ISLR2: variants seen among roughly 807,000 people sequenced by gnomAD.
ISLR2 encodes the protein immunoglobulin superfamily containing leucine-rich repeat protein 2.
ISLR2 carries 16 observed loss-of-function variants against 25.5 expected under a neutral mutation model. The observed-to-expected ratio is 0.63, with a 90% CI of 0.43 to 0.95. The LOEUF is 0.95. ISLR2 is among the 40% of genes least tolerant of loss of function. ISLR2 has a pLI of 0.00. For missense variants in ISLR2, 883 were observed against 1,030.7 expected, an observed-to-expected ratio of 0.86 and a Z score of 1.96; for synonymous variants, 508 against 486.6, an observed-to-expected ratio of 1.04 and a Z score of -0.58.
chr15:74,122,257 T>C (rs1567156777), intron 2 of ISLR2, among the ~76,000 whole-genome samples: 1 of 152,174 alleles, frequency 6.6e-6, no homozygotes, highest in Non-Finnish European at 1.5e-5. Context: ...GGCCCCAAAC[T>C]CTGATGCTGG....
At chr15:74,107,113 C>T (rs2072127038) in intron 2 of ISLR2, among the ~76,000 whole-genome samples, 2 of 152,172 alleles carry the variant, frequency 1.3e-5, no homozygotes, top group Admixed American at 1.3e-4. Context: ...GGCAGCCCCT[C>T]TTCCTTCCCA....
chr15:74,125,610 CAG>C (rs1254427915), upstream of ISLR2, among the ~76,000 whole-genome samples: 2 of 152,200 alleles, frequency 1.3e-5, no homozygotes, highest in Non-Finnish European at 2.9e-5. Flanking sequence ...GAGACAAGCA[CAG>C]ACCCAGATAA....
chr15:74,122,891 G>T (rs566483165), intron 2 of ISLR2, among the ~76,000 whole-genome samples: 1 of 152,118 alleles, frequency 6.6e-6, no homozygotes, highest in East Asian at 1.9e-4. Flanking sequence ...CCCTCCTGCG[G>T]TCTGCAGGAG....
At chr15:74,127,277 CCT>C (rs1301487406), upstream of ISLR2, 4 of 152,208 alleles carry the variant, frequency 2.6e-5, no homozygotes, top group South Asian at 6.2e-4. Context: ...TTTCTTTGCC[CCT>C]GTTAGCGCCA....
chr15:74,105,338 AC>A (rs1208529317), intron 2 of ISLR2, among the ~76,000 whole-genome samples: 1 of 6,042 alleles, frequency 1.7e-4, no homozygotes, highest in African/African-American at 7.9e-4. Context: ...CCCATGCAGC[AC>A]CCCATTAGTG....
chr15:74,133,020 C>T lies in ISLR2; in HGVS notation c.266C>T (p.Thr89Ile), dbSNP rs746393832. ...SLWLAHNEVRTVEPGALAVLS... is the reference protein window; with the variant it reads ...SLWLAHNEVRIVEPGALAVLS... Reference sequence around the variant, plus strand: ...TGGCTGGCGCACAATGAGGTGCGCACCGTGGAGCCAGGCGCACTGGCCGTG... The same window carrying T: ...TGGCTGGCGCACAATGAGGTGCGCATCGTGGAGCCAGGCGCACTGGCCGTG... Residue 89 changes from threonine (T) to isoleucine (I), a missense_variant, in exon 3 of 3, where the codon ACC (threonine) becomes ATC (isoleucine). Physicochemically the swap from Thr to Ile is moderately conservative, Grantham distance 89. Coordinates refer to ENST00000453268, the MANE Select transcript of ISLR2 (RefSeq NM_020851.3). 18 of 1,613,100 alleles carry T rather than the reference C, an allele frequency of 1.1e-5. No individual in the cohort carries two copies. The highest frequency in any genetic ancestry group is 1.4e-5 in the Non-Finnish European group (17 of 1,179,934).
chr15:74,110,786 A>C (rs2072159216), intron 2 of ISLR2, among the ~76,000 whole-genome samples: 1 of 152,100 alleles, frequency 6.6e-6, no homozygotes, highest in Admixed American at 6.6e-5. Flanking sequence ...GCGATACCGC[A>C]TCTCTACTAA....
intron 2 of ISLR2, among the ~76,000 whole-genome samples, chr15:74,118,925 C>G (rs748880099): frequency 6.6e-6 from 1 of 151,938 alleles, no homozygotes; most frequent in African/African-American, 2.4e-5. Context: ...CCAGAGTGCT[C>G]GGATTACCAG....
chr15:74,116,227 A>G (rs2072209603), intron 2 of ISLR2, among the ~76,000 whole-genome samples: 1 of 152,102 alleles, frequency 6.6e-6, no homozygotes, highest in Non-Finnish European at 1.5e-5. Flanking sequence ...ACTAGAGACG[A>G]AAAAGTTAAC....
At position 74,131,187 on chromosome 15, in the gene ISLR2, G is replaced by T. The variant is rs1402212040; in HGVS notation, c.-118-20G>T. ...TTACCTGTCCCTTTCTTTGCCCCCC[G>T]CCCCCCGTTTTCCCCACAGCCACAA... On this transcript the variant is annotated intron_variant, in intron 1 of 2. Coordinates refer to ENST00000453268, the MANE Select transcript of ISLR2 (RefSeq NM_020851.3). 2 of 152,348 alleles carry T rather than the reference G, an allele frequency of 1.3e-5. No individual in the cohort carries two copies. The highest frequency in any genetic ancestry group is 4.9e-5 in the African/African-American group (2 of 41,234). 9.4% of individuals were successfully genotyped at this position (152,348 alleles called of 1,614,324 possible).
rs147878498 is a variant in ISLR2 at position 74,132,931 on chromosome 15, C to A, written c.177C>A (p.Ser59=). 6.2e-7 allele frequency: 1 copy of A among 1,613,936 alleles called. No individual in the cohort carries two copies. The highest frequency in any genetic ancestry group is 1.3e-5 in the African/African-American group (1 of 74,946). ...CCAACGTGACGACGCTTAGTCTGTC[C>A]GCGAACAAGATCACTGTGCTGCGGC... ...LPANVTTLSL[S]ANKITVLRRG... The change falls in exon 3 of 3, where the codon TCC becomes TCA. Residue 59 remains serine, a synonymous_variant. Coordinates refer to ENST00000453268, the MANE Select transcript of ISLR2 (RefSeq NM_020851.3). The surrounding 1 kb of genome is among the most constrained non-coding windows in gnomAD (Gnocchi z 4.3).
At position 74,135,032 on chromosome 15, in the gene ISLR2, T is replaced by A. The variant is rs752649766; in HGVS notation, c.*40T>A. 9 of 1,591,146 alleles carry A rather than the reference T, an allele frequency of 5.7e-6. No individual in the cohort carries two copies. The highest frequency in any genetic ancestry group is 1.3e-5 in the African/African-American group (1 of 74,508). Reference sequence around the variant, plus strand: ...GGCCCGCCCATTCCCGACCTCCACCTAGGGTGCCTGGGAGCAGCAGTCTAG... The same window carrying A: ...GGCCCGCCCATTCCCGACCTCCACCAAGGGTGCCTGGGAGCAGCAGTCTAG... On this transcript the variant is annotated 3_prime_UTR_variant, in exon 3 of 3. Coordinates refer to ENST00000453268, the MANE Select transcript of ISLR2 (RefSeq NM_020851.3).
rs1184023127 is a variant in ISLR2, at chr15:74,133,439, C to T, written c.685C>T (p.Pro229Ser). The change falls in exon 3 of 3, where the codon CCC becomes TCC. Residue 229 changes from proline (P) to serine (S), a missense_variant. This residue lies in a region of ISLR2 where 271 missense variants were observed against 387.9 expected (regional missense o/e 0.70). Coordinates refer to ENST00000453268, the MANE Select transcript of ISLR2 (RefSeq NM_020851.3). Reference protein sequence around the residue: ...GVPVYRLPALPCAPPSVHLSA... With the variant: ...GVPVYRLPALSCAPPSVHLSA... ...GCCGGTGTACCGCCTGCCCGCCCTG[C>T]CCTGTGCACCGCCCAGCGTGCATCT... is the stretch of plus-strand genomic sequence containing the variant. 6.2e-7 allele frequency: 1 copy of T among 1,609,760 alleles called. No individual in the cohort carries two copies. Among genetic ancestry groups the T allele is most frequent in the Non-Finnish European group, 8.5e-7 (1 of 1,179,598 alleles).
At chr15:74,128,329 G>T, upstream of ISLR2, 1 of 417,954 alleles carries the variant, frequency 2.4e-6, no homozygotes, top group African/African-American at 2.1e-5. Flanking sequence ...CTTTCCCCCA[G>T]GGCAGCCTCC....
upstream of ISLR2, chr15:74,127,888 G>A (rs1427895037): frequency 6.5e-6 from 1 of 152,846 alleles, no homozygotes; most frequent in Non-Finnish European, 1.5e-5. Context: ...TCCTGGGTCT[G>A]TCTGGGGTCG....
intron 2 of ISLR2, among the ~76,000 whole-genome samples, chr15:74,118,371 G>T (rs927888294): frequency 6.6e-6 from 1 of 152,150 alleles, no homozygotes; most frequent in African/African-American, 2.4e-5. Flanking sequence ...CACAGGACCG[G>T]GGTGAAATTA....
Position 74,133,695 on chromosome 15 carries a change from C to A in ISLR2, c.941C>A (p.Ala314Asp). The change falls in exon 3 of 3, where the codon GCC becomes GAC. Residue 314 changes from alanine (A) to aspartate (D), a missense_variant. By Grantham distance (126) the Ala-to-Asp change is moderately radical (BLOSUM62 -2). Around this residue, in one of 2 missense-constraint regions of ISLR2, gnomAD observed 612 missense variants for 642.8 expected, o/e 0.95. Transcript: ENST00000453268. ...GDGDLLTQTQ[A>D]QTPTPAPAWP... The stretch of plus-strand genomic sequence containing the variant: ...GGGGATTTGCTGACGCAGACCCAAG[C>A]CCAAACGCCGACTCCAGCACCCGCT... The A allele has an allele frequency of 6.2e-7, 1 of 1,607,564 alleles. No homozygotes were observed. The highest frequency in any genetic ancestry group is 8.5e-7 in the Non-Finnish European group (1 of 1,177,058).
At chr15:74,102,947 A>G (rs1451281543) in intron 1 of ISLR2, among the ~76,000 whole-genome samples, 3 of 151,628 alleles carry the variant, frequency 2.0e-5, no homozygotes, top group Admixed American at 6.6e-5. Flanking sequence ...AGCTGGGACT[A>G]CAAGCACCCA....
rs1313273746 is a variant in ISLR2, at chr15:74,135,423, A to G, written c.*431A>G. Reference sequence around the variant, plus strand: ...GTGGTTTCGGGGGCCAGCCAAGGCCAGTGGAGTGCTGTGGGGTCCCACCTC... The same window carrying G: ...GTGGTTTCGGGGGCCAGCCAAGGCCGGTGGAGTGCTGTGGGGTCCCACCTC... On this transcript the variant is annotated 3_prime_UTR_variant, in exon 3 of 3. Coordinates refer to ENST00000453268, the MANE Select transcript of ISLR2 (RefSeq NM_020851.3). The G allele has an allele frequency of 1.5e-5, 3 of 206,058 alleles. No individual in the cohort carries two copies. Among genetic ancestry groups the G allele is most frequent in the Admixed American group, 5.3e-5 (1 of 19,040 alleles). The allele number at this position is 206,058 out of a possible 1,614,324, so 12.8% of individuals were successfully genotyped here.
Sources: allele counts gnomAD v4.1 joint callset (sites outside exome capture counted in the v4.1 genomes callset), GRCh38; gene constraint gnomAD v4.1.1; regional missense constraint gnomAD v4.1.1; non-coding constraint Gnocchi (gnomAD v3.1); transcripts MANE v1.5; gene names NCBI Gene and HGNC (gene_info 2026-07-23, HGNC 2026-07-21).